The following DPP10 variants were observed in gnomAD, a reference collection of about 807,000 sequenced individuals.
The protein encoded by DPP10 is dipeptidyl peptidase like 10, also known as inactive dipeptidyl peptidase 10.
A neutral mutation model predicts 120.9 loss-of-function variants in DPP10; 33 were observed. That is an observed-to-expected ratio of 0.27 (90% confidence interval 0.21 to 0.37). The LOEUF (loss-of-function observed/expected upper bound fraction) is 0.37. Ranked by LOEUF, DPP10 falls within the 10% of genes least tolerant of loss-of-function variation. DPP10 has a pLI of 1.00. For synonymous variants in DPP10, 337 were observed against 326.1 expected (o/e 1.03, Z -0.36); for missense variants, 816 against 942.8 (o/e 0.87, Z 1.76).
intron 1 of DPP10, among the ~76,000 whole-genome samples, chr2:114,678,853 T>C (rs1241473730): frequency 6.6e-6 from 1 of 152,070 alleles, no homozygotes; most frequent in Non-Finnish European, 1.5e-5. Flanking sequence ...TGATTGTATA[T>C]TCTCTAAGAA....
chr2:115,279,557 G>T (rs111238031), intron 1 of DPP10, among the ~76,000 whole-genome samples: 1 of 149,222 alleles, frequency 6.7e-6, no homozygotes, highest in African/African-American at 2.5e-5. Flanking sequence ...GTTGATTTGC[G>T]TTTGATAGAA....
chr2:114,989,503 A>G (rs2104916950), intron 1 of DPP10, among the ~76,000 whole-genome samples: 1 of 152,322 alleles, frequency 6.6e-6, no homozygotes, highest in East Asian at 1.9e-4. Context: ...TTGTTGCAGC[A>G]AGTTGTAAAG....
intron 4 of DPP10, among the ~76,000 whole-genome samples, chr2:115,503,101 C>A (rs557226496): frequency 6.6e-6 from 1 of 152,066 alleles, no homozygotes; most frequent in Non-Finnish European, 1.5e-5. Flanking sequence ...TATTTAAATA[C>A]ATTCTACTAA....
chr2:115,264,138 A>T (rs1218168137), intron 1 of DPP10, among the ~76,000 whole-genome samples: 1 of 152,222 alleles, frequency 6.6e-6, no homozygotes, highest in East Asian at 1.9e-4. Flanking sequence ...TATCTGTGAC[A>T]TATTTTTTAG....
At chr2:114,947,095 C>T (rs951574258) in intron 1 of DPP10, among the ~76,000 whole-genome samples, 11 of 151,782 alleles carry the variant, frequency 7.2e-5, no homozygotes, top group Non-Finnish European at 1.6e-4. Flanking sequence ...TGTTTAACCA[C>T]TTAAACCTAG....
intron 1 of DPP10, among the ~76,000 whole-genome samples, chr2:114,785,385 G>A (rs1314585216): frequency 6.6e-6 from 1 of 152,010 alleles, no homozygotes; most frequent in Non-Finnish European, 1.5e-5. Flanking sequence ...AGCTCTGCCT[G>A]TGACCAATTC....
At chr2:114,949,394 T>G (rs1332917489) in intron 1 of DPP10, among the ~76,000 whole-genome samples, 1 of 152,134 alleles carries the variant, frequency 6.6e-6, no homozygotes, top group Non-Finnish European at 1.5e-5. Context: ...CCAAACCATA[T>G]CAGAGAGTAT....
At chr2:115,299,427 A>G (rs1430377717) in intron 1 of DPP10, among the ~76,000 whole-genome samples, 1 of 151,982 alleles carries the variant, frequency 6.6e-6, no homozygotes. Flanking sequence ...AAGGATTGGA[A>G]TGCTGATAAG....
At chr2:114,636,596 A>G (rs1292747212) in intron 1 of DPP10, among the ~76,000 whole-genome samples, 2 of 151,946 alleles carry the variant, frequency 1.3e-5, no homozygotes, top group Non-Finnish European at 2.9e-5. Flanking sequence ...TCTGTGGACT[A>G]TACTCTGGGA....
At chr2:115,578,141 C>A (rs907844956) in intron 5 of DPP10, among the ~76,000 whole-genome samples, 1 of 152,196 alleles carries the variant, frequency 6.6e-6, no homozygotes, top group African/African-American at 2.4e-5. Flanking sequence ...TCCACTGTCT[C>A]TCCTTTGCTC....
chr2:114,875,361 C>G (rs750531273), intron 1 of DPP10, among the ~76,000 whole-genome samples: 3 of 152,084 alleles, frequency 2.0e-5, no homozygotes, highest in African/African-American at 4.8e-5. Context: ...TAAATTACAA[C>G]CTAGCATAGT....
intron 1 of DPP10, chr2:114,461,651 G>C: frequency 1.0e-6 from 1 of 985,440 alleles, no homozygotes; most frequent in Non-Finnish European, 1.2e-6. Context: ...TGCTGGTGTA[G>C]AGGGCCTGCT....
chr2:115,656,065 A>G (rs2088294064), intron 5 of DPP10, among the ~76,000 whole-genome samples: 1 of 151,476 alleles, frequency 6.6e-6, no homozygotes, highest in Non-Finnish European at 1.5e-5. Context: ...TAGTATCTAT[A>G]TTAATAAGAC....
intron 3 of DPP10, among the ~76,000 whole-genome samples, chr2:115,449,788 T>C (rs1018818586): frequency 6.6e-6 from 1 of 152,086 alleles, no homozygotes; most frequent in Non-Finnish European, 1.5e-5. Context: ...CCTCGGCACA[T>C]ATGTAATTGA....
chr2:115,399,106 CCA>C (rs2067885065), intron 3 of DPP10, among the ~76,000 whole-genome samples: 1 of 152,074 alleles, frequency 6.6e-6, no homozygotes, highest in Non-Finnish European at 1.5e-5. Context: ...GCTGTTGGTA[CCA>C]CCTCTTGTTT....
intron 1 of DPP10, among the ~76,000 whole-genome samples, chr2:114,712,767 T>C (rs754891610): frequency 2.2e-4 from 34 of 152,290 alleles, no homozygotes; most frequent in Admixed American, 3.9e-4. Context: ...AATTATTTTA[T>C]ATATTTTCAA....
At chr2:114,787,958 T>G (rs1233094548) in intron 1 of DPP10, among the ~76,000 whole-genome samples, 2 of 152,216 alleles carry the variant, frequency 1.3e-5, no homozygotes, top group Non-Finnish European at 2.9e-5. Flanking sequence ...CTTTTCTTAT[T>G]GAAAAAGTAA....
intron 1 of DPP10, among the ~76,000 whole-genome samples, chr2:114,811,769 AC>A (rs1416530065): frequency 6.6e-6 from 1 of 152,134 alleles, no homozygotes; most frequent in Non-Finnish European, 1.5e-5. Context: ...GAGCTTCTTA[AC>A]ACTGGAGTTT....
intron 1 of DPP10, among the ~76,000 whole-genome samples, chr2:114,448,316 T>C (rs1191645915): frequency 6.6e-6 from 1 of 152,228 alleles, no homozygotes; most frequent in East Asian, 1.9e-4. Flanking sequence ...TATTTTATTC[T>C]TGAGAAAGTA....
Sources: gnomAD v4.1 joint callset for allele counts (sites outside exome capture counted in the v4.1 genomes callset) on GRCh38, gnomAD v4.1.1 for gene constraint, MANE v1.5 for transcripts, NCBI Gene and HGNC (gene_info 2026-07-23, HGNC 2026-07-21) for gene names.